Variants in B3GALT1 observed in about 807,000 individuals in gnomAD.
B3GALT1 encodes the protein beta-1,3-galactosyltransferase 1.
Under a neutral mutation model 23.2 loss-of-function variants are expected in B3GALT1, and 10 were observed. That is an observed-to-expected ratio of 0.43 (90% CI 0.27 to 0.73). The LOEUF is 0.73. B3GALT1 is among the 30% of genes least tolerant of loss of function. The pLI is 0.21. For synonymous variants in B3GALT1, 156 were observed against 141.5 expected, an observed-to-expected ratio of 1.10 and a Z score of -0.73; for missense variants, 299 against 405.4, an observed-to-expected ratio of 0.74 and a Z score of 2.25.
intron 1 of B3GALT1, among the ~76,000 whole-genome samples, chr2:167,392,038 G>A (rs1024627303): frequency 2.0e-5 from 3 of 151,958 alleles, no homozygotes; most frequent in African/African-American, 4.8e-5. Flanking sequence ...CTCTGAAGGC[G>A]TCATCAGTTC....
intron 3 of B3GALT1, among the ~76,000 whole-genome samples, chr2:167,732,985 T>C (rs1687431405): frequency 1.3e-5 from 2 of 152,190 alleles, no homozygotes; most frequent in Admixed American, 1.3e-4. Flanking sequence ...TTATTTCCAT[T>C]TTACGCTGAA....
At chr2:167,510,705 A>G (rs1457536783) in intron 2 of B3GALT1, among the ~76,000 whole-genome samples, 1 of 152,180 alleles carries the variant, frequency 6.6e-6, no homozygotes, top group Non-Finnish European at 1.5e-5. Context: ...ATTAACTGTG[A>G]TGGTAAAGAC....
intron 1 of B3GALT1, among the ~76,000 whole-genome samples, chr2:167,446,539 A>G (rs1698996122): frequency 1.3e-5 from 2 of 151,996 alleles, no homozygotes; most frequent in Admixed American, 6.6e-5. Context: ...ATGGTCCCAT[A>G]TTTCTTGGAG....
intron 3 of B3GALT1, among the ~76,000 whole-genome samples, chr2:167,748,690 G>C (rs1278306502): frequency 6.6e-6 from 1 of 152,204 alleles, no homozygotes; most frequent in Non-Finnish European, 1.5e-5. Flanking sequence ...TGAAGTCAAA[G>C]TATAATGCCT....
At chr2:167,720,604 AG>A (rs2105254967) in intron 3 of B3GALT1, among the ~76,000 whole-genome samples, 1 of 152,368 alleles carries the variant, frequency 6.6e-6, no homozygotes, top group South Asian at 2.1e-4. Context: ...TCCCAGGGAC[AG>A]GACATGTGAC....
At chr2:167,329,185 C>T (rs1458335226) in intron 1 of B3GALT1, among the ~76,000 whole-genome samples, 2 of 152,156 alleles carry the variant, frequency 1.3e-5, no homozygotes, top group Admixed American at 1.3e-4. Context: ...TTGCTCTACC[C>T]TACAGGTTTT....
rs76880151 is a variant in B3GALT1 at position 167,456,245 on chromosome 2, A to G, written c.-510-33932A>G. On this transcript the variant is annotated intron_variant, in intron 1 of 4. Transcript: ENST00000392690. Reference sequence around the variant, plus strand: ...GCAAGAGGGAGTGAGAGAGAGAGGTAGAGGTACAAGGCTTCTTTTAAACAA... The same window carrying G: ...GCAAGAGGGAGTGAGAGAGAGAGGTGGAGGTACAAGGCTTCTTTTAAACAA... 5.6e-3 allele frequency among the ~76,000 whole-genome samples: 849 copies of G among 152,280 alleles called. 10 individuals carry two copies. Among genetic ancestry groups the G allele is most frequent in the African/African-American group, 0.02 (813 of 41,558 alleles).
At chr2:167,663,136 A>T in intron 3 of B3GALT1, among the ~76,000 whole-genome samples, 1 of 116,810 alleles carries the variant, frequency 8.6e-6, no homozygotes, top group African/African-American at 3.4e-5. Flanking sequence ...CAGTCCCAAG[A>T]GTGTGATGTT....
Position 167,869,201 on chromosome 2 carries a change from A to G in B3GALT1, c.162A>G (p.Arg54=). 1 of 1,614,192 alleles carries G rather than the reference A, an allele frequency of 6.2e-7. No homozygotes were observed. The highest frequency in any genetic ancestry group is 2.2e-5 in the East Asian group (1 of 44,886). ...ARKNFTFGNI[R]TRPINPHSFE... ...AAAACTTCACCTTTGGCAACATAAG[A>G]ACTCGACCTATCAACCCACATTCTT... Residue 54 remains arginine (R), a synonymous_variant, in exon 5 of 5, where the codon AGA becomes AGG. Coordinates refer to ENST00000392690, the MANE Select transcript of B3GALT1 (RefSeq NM_020981.4). The surrounding 1 kb of genome is among the most constrained non-coding windows in gnomAD (Gnocchi z 6.4).
At chr2:167,424,149 T>G (rs1418348169) in intron 1 of B3GALT1, among the ~76,000 whole-genome samples, 1 of 152,202 alleles carries the variant, frequency 6.6e-6, no homozygotes, top group African/African-American at 2.4e-5. Context: ...TTGTTTGCTT[T>G]GATGTTTTCA....
chr2:167,313,307 C>T (rs914009895), intron 1 of B3GALT1, among the ~76,000 whole-genome samples: 3 of 152,124 alleles, frequency 2.0e-5, no homozygotes, highest in Non-Finnish European at 4.4e-5. Context: ...GATCCACATC[C>T]CAATCCCTAA....
At chr2:167,750,435 T>A (rs1409193156) in intron 3 of B3GALT1, among the ~76,000 whole-genome samples, 1 of 152,192 alleles carries the variant, frequency 6.6e-6, no homozygotes, top group African/African-American at 2.4e-5. Context: ...TTAGTGGCAT[T>A]TTTTAAGTCG....
chr2:167,372,902 A>C (rs76716462), intron 1 of B3GALT1, among the ~76,000 whole-genome samples: 6 of 152,042 alleles, frequency 3.9e-5, no homozygotes, highest in Non-Finnish European at 5.9e-5. Context: ...CTCTCCCCCA[A>C]ATTGATCCAC....
chr2:167,670,213 G>A (rs764546121), intron 3 of B3GALT1, among the ~76,000 whole-genome samples: 65 of 152,124 alleles, frequency 4.3e-4, no homozygotes, highest in Non-Finnish European at 6.2e-4. Flanking sequence ...GTCTAACCTG[G>A]AACACTTCAG....
chr2:167,823,226 CT>C (rs1367581074), intron 4 of B3GALT1, among the ~76,000 whole-genome samples: 1 of 152,172 alleles, frequency 6.6e-6, no homozygotes, highest in African/African-American at 2.4e-5. Flanking sequence ...AAATAACCAC[CT>C]ATTGTGTTAA....
At chr2:167,550,091 C>T (rs1248102967) in intron 2 of B3GALT1, among the ~76,000 whole-genome samples, 2 of 152,262 alleles carry the variant, frequency 1.3e-5, no homozygotes, top group African/African-American at 2.4e-5. Flanking sequence ...ACTAACTCTA[C>T]GTTAACCGTA....
intron 2 of B3GALT1, among the ~76,000 whole-genome samples, chr2:167,497,310 C>A (rs1230830568): frequency 2.0e-5 from 3 of 151,798 alleles, no homozygotes; most frequent in African/African-American, 7.3e-5. Context: ...GGTATCTGAG[C>A]AAATATCTGA....
At chr2:167,676,462 T>G (rs1686427078) in intron 3 of B3GALT1, among the ~76,000 whole-genome samples, 1 of 150,798 alleles carries the variant, frequency 6.6e-6, no homozygotes, top group African/African-American at 2.5e-5. Context: ...ACTCTTCCCA[T>G]CTAACCTTAT....
At chr2:167,322,751 A>G (rs982171373) in intron 1 of B3GALT1, among the ~76,000 whole-genome samples, 1 of 152,046 alleles carries the variant, frequency 6.6e-6, no homozygotes, top group Non-Finnish European at 1.5e-5. Context: ...TCATGTAACT[A>G]CAACTCTAGA....
Sources: gnomAD v4.1 joint callset for allele counts (sites outside exome capture counted in the v4.1 genomes callset) on GRCh38, gnomAD v4.1.1 for gene constraint, Gnocchi (gnomAD v3.1) non-coding constraint, MANE v1.5 for transcripts, NCBI Gene and HGNC (gene_info 2026-07-23, HGNC 2026-07-21) for gene names.